The following FBLN7 variants were observed in gnomAD, a reference collection of about 807,000 sequenced individuals.
The protein encoded by FBLN7 is fibulin 7, also known as fibulin-7.
In FBLN7, 31 loss-of-function variants were observed where a neutral mutation model predicts 44.0. The ratio of observed to expected loss-of-function variants is 0.70; its 90% CI spans 0.53 to 0.95. The LOEUF (loss-of-function observed/expected upper bound fraction) is 0.95, where lower values mean the gene tolerates loss of function less well. FBLN7 is among the 40% of genes least tolerant of loss of function. The probability of loss-of-function intolerance (pLI) is 0.00; values close to 1 mark genes in which losing one functional copy is unlikely to be tolerated. For synonymous variants in FBLN7, 262 were observed against 253.4 expected, an observed-to-expected ratio of 1.03 and a Z score of -0.32; for missense variants, 573 against 618.5, an observed-to-expected ratio of 0.93 and a Z score of 0.78.
intron 2 of FBLN7, among the ~76,000 whole-genome samples, chr2:112,162,897 A>G (rs771336152): frequency 3.3e-5 from 5 of 152,124 alleles, no homozygotes; most frequent in Non-Finnish European, 7.4e-5. Flanking sequence ...AAACTCTTTA[A>G]CGCAATAAAG....
intron 3 of FBLN7, among the ~76,000 whole-genome samples, chr2:112,171,042 A>C (rs1381228061): frequency 6.6e-6 from 1 of 152,192 alleles, no homozygotes; most frequent in Admixed American, 6.5e-5. Flanking sequence ...GTTTGTTTTT[A>C]AACAGCTCGT....
intron 3 of FBLN7, among the ~76,000 whole-genome samples, chr2:112,165,946 G>C (rs887553930): frequency 3.9e-5 from 6 of 152,256 alleles, no homozygotes; most frequent in Non-Finnish European, 4.4e-5. Flanking sequence ...TGGGACATCT[G>C]CTGAGGCAGA....
chr2:112,194,965 C>T, the FBLN7 span, among the ~76,000 whole-genome samples: 1 of 152,168 alleles, frequency 6.6e-6, no homozygotes, highest in Non-Finnish European at 1.5e-5. Context: ...GCAGGTTCAC[C>T]AAGGTCAGAA....
rs1573841323 is a variant in FBLN7, at chr2:112,187,015, G to A, written c.948-119G>A. Reference sequence around the variant, plus strand: ...TCCATAGCTCCTGGGTGAAGGACCCGTGGCTGGGAAAGGTCATCTAGGTGG... The same window carrying A: ...TCCATAGCTCCTGGGTGAAGGACCCATGGCTGGGAAAGGTCATCTAGGTGG... On this transcript the variant is annotated intron_variant, in intron 7 of 7. Coordinates refer to ENST00000331203, the MANE Select transcript of FBLN7 (RefSeq NM_153214.3). The surrounding 1 kb of genome is among the most constrained non-coding windows in gnomAD (Gnocchi z 5.1). 12 of 1,263,848 alleles carry A rather than the reference G, an allele frequency of 9.5e-6. No homozygotes were observed. The highest frequency in any genetic ancestry group is 4.4e-4 in the Middle Eastern group (2 of 4,596). The allele number at this position is 1,263,848 out of a possible 1,614,324, so 78.3% of individuals were successfully genotyped here.
intron 3 of FBLN7, among the ~76,000 whole-genome samples, chr2:112,172,789 T>C (rs1180299885): frequency 6.6e-6 from 1 of 152,028 alleles, no homozygotes. Context: ...CCCACCACCA[T>C]GCCCGGCTAA....
At chr2:112,160,792 GCACA>G (rs1410350807) in intron 2 of FBLN7, among the ~76,000 whole-genome samples, 2,752 of 131,940 alleles carry the variant, frequency 0.021, 33 homozygotes, top group Middle Eastern at 0.046. Flanking sequence ...GCACGCACAC[GCACA>G]CACGCACGCA....
the FBLN7 span, chr2:112,214,660 A>G: frequency 6.6e-6 from 1 of 152,188 alleles, no homozygotes; most frequent in African/African-American, 2.4e-5. Context: ...AGGGAACGGC[A>G]CAGTGGGGGC....
intron 4 of FBLN7, chr2:112,177,741 T>C (rs1042277146): frequency 1.3e-5 from 2 of 152,206 alleles, no homozygotes; most frequent in Non-Finnish European, 2.9e-5. Context: ...CATTCTTCTT[T>C]CTGTCTCTGT....
intron 4 of FBLN7, among the ~76,000 whole-genome samples, chr2:112,180,765 A>G (rs2104600727): frequency 6.6e-6 from 1 of 152,094 alleles, no homozygotes; most frequent in East Asian, 1.9e-4. Context: ...CTAAAAAAAT[A>G]CAAAAAAATT....
At chr2:112,150,616 G>A (rs763705875) in intron 1 of FBLN7, among the ~76,000 whole-genome samples, 14 of 152,242 alleles carry the variant, frequency 9.2e-5, no homozygotes, top group Non-Finnish European at 1.6e-4. Flanking sequence ...AGCGTAGCAC[G>A]TGGTGAAGAC....
the FBLN7 span, among the ~76,000 whole-genome samples, chr2:112,228,286 G>A: frequency 2.0e-5 from 3 of 152,150 alleles, no homozygotes; most frequent in African/African-American, 7.2e-5. Context: ...CAGATCACCT[G>A]AGGTCAGGAG....
At chr2:112,236,268 A>G in the FBLN7 span, among the ~76,000 whole-genome samples, 5 of 152,314 alleles carry the variant, frequency 3.3e-5, no homozygotes, top group African/African-American at 1.2e-4. Flanking sequence ...AAATATATGT[A>G]TAACAATAAT....
At chr2:112,231,933 T>C in the FBLN7 span, 1 of 1,564,332 alleles carries the variant, frequency 6.4e-7, no homozygotes, top group Middle Eastern at 1.7e-4. Context: ...TGGTAAAACT[T>C]ACAAGGATAT....
At chr2:112,218,345 T>C in the FBLN7 span, among the ~76,000 whole-genome samples, 1 of 152,182 alleles carries the variant, frequency 6.6e-6, no homozygotes, top group Non-Finnish European at 1.5e-5. Context: ...CAATGGAACA[T>C]AGACTCTTCT....
At chr2:112,202,274 A>G in the FBLN7 span, among the ~76,000 whole-genome samples, 1 of 152,210 alleles carries the variant, frequency 6.6e-6, no homozygotes, top group Non-Finnish European at 1.5e-5. Context: ...CCCCAGGAAG[A>G]TGAGTCTCTG....
At chr2:112,209,714 C>A in the FBLN7 span, among the ~76,000 whole-genome samples, 1 of 152,036 alleles carries the variant, frequency 6.6e-6, no homozygotes, top group African/African-American at 2.4e-5. Flanking sequence ...GGAAATCTGA[C>A]CCAGGATGTA....
At position 112,162,586 on chromosome 2, in the gene FBLN7, C is replaced by G. The variant is rs775071429; in HGVS notation, c.236-2415C>G. Reference sequence around the variant, plus strand: ...AGGCGCAGGGAGCTTCGCTGTGGCTCTGCACACTCAGTAGGATGTGCTTCT... The same window carrying G: ...AGGCGCAGGGAGCTTCGCTGTGGCTGTGCACACTCAGTAGGATGTGCTTCT... On this transcript the variant is annotated intron_variant, in intron 2 of 7. Transcript: ENST00000331203. 1.9e-4 allele frequency among the ~76,000 whole-genome samples: 29 copies of G among 152,310 alleles called. No homozygotes were observed. The Middle Eastern group carries it at 0.01, about 54-fold the overall frequency.
chr2:112,197,268 C>CACAT, the FBLN7 span, among the ~76,000 whole-genome samples: 1 of 128,808 alleles, frequency 7.8e-6, no homozygotes, highest in African/African-American at 3.1e-5. Context: ...CACACACACA[C>CACAT]ACACACAGAG....
chr2:112,216,805 CATG>C, the FBLN7 span, among the ~76,000 whole-genome samples: 9 of 150,844 alleles, frequency 6.0e-5, no homozygotes, highest in Non-Finnish European at 1.3e-4. Context: ...TGAATGGAAA[CATG>C]ATAAACATTA....
Sources: gnomAD v4.1 joint callset for allele counts (sites outside exome capture counted in the v4.1 genomes callset) on GRCh38, gnomAD v4.1.1 for gene constraint, Gnocchi (gnomAD v3.1) non-coding constraint, MANE v1.5 for transcripts, NCBI Gene and HGNC (gene_info 2026-07-23, HGNC 2026-07-21) for gene names.